GANC: variants seen among roughly 807,000 people sequenced by gnomAD.
GANC encodes the protein neutral alpha-glucosidase C.
GANC carries 117 observed loss-of-function variants against 124.2 expected under a neutral mutation model. The observed-to-expected ratio is 0.94, with a 90% CI of 0.81 to 1.10. The LOEUF is 1.10. Among genes scored for constraint, GANC ranks in the 50% least tolerant of loss-of-function variants. The pLI is 0.00. For missense variants in GANC, 1,140 were observed against 1,095.0 expected (o/e 1.04, Z -0.58); for synonymous variants, 377 against 376.8 (o/e 1.00, Z -0.01).
At chr15:42,279,242 G>A (rs187128359) in intron 3 of GANC, among the ~76,000 whole-genome samples, 149 of 152,236 alleles carry the variant, frequency 9.8e-4, no homozygotes, top group African/African-American at 3.4e-3. Context: ...CTCACATTTA[G>A]TAACCAAAAT....
In GANC at chr15:42,307,705, G is replaced by A. The variant is rs966913239; in HGVS notation, c.626-517G>A. Among the ~76,000 whole-genome samples the A allele has an allele frequency of 4.6e-5, 7 of 152,182 alleles. 1 individual carries two copies. The highest frequency in any genetic ancestry group is 3.9e-4 in the Admixed American group (6 of 15,286). On this transcript the variant is annotated intron_variant, in intron 7 of 23. Transcript: ENST00000318010. ...AGGAAATTTATATAATCACAGAGGA[G>A]GAGTATTTTGAGGAACCAGTTATGG... is the stretch of plus-strand genomic sequence containing the variant.
At position 42,310,317 on chromosome 15, in the gene GANC, G is replaced by A; in HGVS notation, c.757G>A (p.Val253Ile). 1 of 1,611,654 alleles carries A rather than the reference G, an allele frequency of 6.2e-7. No homozygotes were observed. Among genetic ancestry groups the A allele is most frequent in the Non-Finnish European group, 8.5e-7 (1 of 1,178,494 alleles). The change falls in exon 9 of 24, where the codon GTC becomes ATC. Residue 253 changes from valine to isoleucine, a missense_variant. Val to Ile is a conservative substitution (Grantham distance 29). Transcript: ENST00000318010. Reference sequence around the variant, plus strand: ...TGCTTACCGTCTTTATAACCTGGATGTCTATGGATACCAAATATATGATAA... The same window carrying A: ...TGCTTACCGTCTTTATAACCTGGATATCTATGGATACCAAATATATGATAA... Reference protein sequence around the residue: ...GDAYRLYNLDVYGYQIYDKMG... With the variant: ...GDAYRLYNLDIYGYQIYDKMG...
At chr15:42,336,739 C>G (rs1475873327) in intron 15 of GANC, among the ~76,000 whole-genome samples, 2 of 152,054 alleles carry the variant, frequency 1.3e-5, no homozygotes, top group East Asian at 3.8e-4. Context: ...ATGCATCTGA[C>G]AAAGGTCTAA....
intron 3 of GANC, chr15:42,280,962 G>A: frequency 1.4e-6 from 1 of 702,492 alleles, no homozygotes; most frequent in African/African-American, 1.7e-5. Flanking sequence ...TGCCTTCAAA[G>A]GCAAAGAAAC....
At chr15:42,291,130 C>A (rs182588638) in intron 4 of GANC, among the ~76,000 whole-genome samples, 117 of 151,936 alleles carry the variant, frequency 7.7e-4, no homozygotes, top group African/African-American at 2.6e-3. Context: ...GGCTTGCATG[C>A]CTGAAAAATT....
intron 15 of GANC, 98 bp downstream of exon 15, chr15:42,330,770 C>CTTTTT (rs71108160): frequency 4.9e-4 from 177 of 360,878 alleles, no homozygotes; most frequent in South Asian, 1.5e-3. Flanking sequence ...CTTCCTTTTC[C>CTTTTT]TTTTTTTTTT....
At chr15:42,311,849 C>G (rs7182963) in intron 10 of GANC, among the ~76,000 whole-genome samples, 1 of 151,518 alleles carries the variant, frequency 6.6e-6, no homozygotes, top group Non-Finnish European at 1.5e-5. Flanking sequence ...CAATCAATAA[C>G]GAAAAAAAAA....
intron 4 of GANC, among the ~76,000 whole-genome samples, chr15:42,291,528 T>C (rs1190014612): frequency 6.6e-6 from 1 of 152,164 alleles, no homozygotes; most frequent in Non-Finnish European, 1.5e-5. Context: ...CATACCCCCT[T>C]CACTGAGAAA....
At chr15:42,326,186 C>T (rs1389442667) in intron 11 of GANC, 112 bp from the exon 12 acceptor site, 10 of 697,458 alleles carry the variant, frequency 1.4e-5, no homozygotes, top group Non-Finnish European at 2.5e-5. Context: ...TATTTCAATA[C>T]TAGTTGTAGT....
chr15:42,273,678 A>G lies in GANC; in HGVS notation c.-804A>G. On this transcript the variant is annotated 5_prime_UTR_variant, in exon 1 of 24. The change abolishes the stop of an existing upstream ORF in the 5' untranslated region. Transcript: ENST00000318010. ...GAGTCTTTTCTGTCTCCCAGCCGTT[A>G]AAGGTTTTAGGACCAGGCAGGCACC... The G allele has an allele frequency of 2.2e-6, 1 of 456,036 alleles. No homozygotes were observed. The highest frequency in any genetic ancestry group is 2.7e-5 in the South Asian group (1 of 37,474). The allele number at this position is 456,036 out of a possible 1,614,324, so 28.2% of individuals were successfully genotyped here.
At chr15:42,279,305 C>T (rs7169606) in intron 3 of GANC, among the ~76,000 whole-genome samples, 2 of 152,180 alleles carry the variant, frequency 1.3e-5, no homozygotes, top group South Asian at 2.1e-4. Flanking sequence ...AACACTGTTA[C>T]ACAATGCCCA....
intron 18 of GANC, among the ~76,000 whole-genome samples, chr15:42,342,504 C>A (rs1183239357): frequency 1.3e-5 from 2 of 152,036 alleles, no homozygotes; most frequent in Non-Finnish European, 2.9e-5. Flanking sequence ...ATTACATGAG[C>A]CCAGGAGTTA....
At position 42,351,375 on chromosome 15, in the gene GANC, A is replaced by G; in HGVS notation, c.2578A>G (p.Lys860Glu). 1.9e-6 allele frequency: 3 copies of G among 1,614,068 alleles called. No individual in the cohort carries two copies. Among genetic ancestry groups the G allele is most frequent in the Non-Finnish European group, 2.5e-6 (3 of 1,179,984 alleles). Residue 860 changes from lysine (K) to glutamate (E), a missense_variant, in exon 23 of 24, where the codon AAG becomes GAG. Coordinates refer to ENST00000318010, the MANE Select transcript of GANC (RefSeq NM_198141.3). ...GHYPSKCVVE[K>E]ILVLGFRKEP... ...TTATCCCAGCAAGTGTGTGGTGGAG[A>G]AGATCTTGGTCTTAGGCTTCAGGAA...
chr15:42,336,975 A>G (rs1184328416), intron 15 of GANC, among the ~76,000 whole-genome samples: 3 of 152,234 alleles, frequency 2.0e-5, no homozygotes, highest in African/African-American at 7.2e-5. Flanking sequence ...TTAAAAAGTG[A>G]AAAGGTAACA....
intron 11 of GANC, 73 bp downstream of exon 11, chr15:42,322,093 AT>A (rs1789606478): frequency 8.2e-7 from 1 of 1,217,370 alleles, no homozygotes; most frequent in Admixed American, 2.3e-5. Context: ...GCCTTGGCAC[AT>A]CAGTGGTGGA....
chr15:42,306,482 TATTG>T, intron 6 of GANC, 60 bp from the exon 7 acceptor site: 1 of 1,228,356 alleles, frequency 8.1e-7, no homozygotes, highest in East Asian at 2.3e-5. Context: ...TAAAATGAGC[TATTG>T]TGGTAAACAC....
intron 10 of GANC, among the ~76,000 whole-genome samples, chr15:42,312,171 G>A (rs541670851): frequency 6.6e-6 from 1 of 152,170 alleles, no homozygotes; most frequent in Admixed American, 6.5e-5. Flanking sequence ...TGGAAAAGCT[G>A]ATCTTCCATA....
intron 15 of GANC, among the ~76,000 whole-genome samples, chr15:42,334,503 TAGAA>T (rs1240684713): frequency 1.3e-5 from 2 of 151,964 alleles, no homozygotes; most frequent in African/African-American, 2.4e-5. Flanking sequence ...AAACATTTCT[TAGAA>T]AGAACACAAA....
At position 42,327,366 on chromosome 15, in the gene GANC, T is replaced by G. The variant is rs1420443271; in HGVS notation, c.1424T>G (p.Leu475Arg). The change falls in exon 13 of 24, where the codon CTC (leucine) becomes CGC (arginine). Residue 475 changes from leucine (L) to arginine (R), a missense_variant. Physicochemically the swap from Leu to Arg is moderately radical, Grantham distance 102. Transcript: ENST00000318010. ...EDFEGVCWPG[L>R]SSYLDFTNPK... is the part of the protein sequence containing the mutation. ...ATCTACTGTTCTGCCTCCACAGGTC[T>G]CTCCTCTTACCTGGATTTCACCAAT... The G allele has an allele frequency of 2.5e-6, 4 of 1,611,756 alleles. No homozygotes were observed. The highest frequency in any genetic ancestry group is 3.4e-6 in the Non-Finnish European group (4 of 1,178,542).
Sources: allele counts gnomAD v4.1 joint callset (sites outside exome capture counted in the v4.1 genomes callset), GRCh38; gene constraint gnomAD v4.1.1; transcripts MANE v1.5; gene names NCBI Gene and HGNC (gene_info 2026-07-23, HGNC 2026-07-21).